The following CPAP variants were observed in gnomAD, a reference collection of about 807,000 sequenced individuals.
CPAP encodes the protein centrosomal P4.1-associated protein.
the CPAP span, among the ~76,000 whole-genome samples, chr13:24,913,266 C>T: frequency 6.6e-6 from 1 of 152,068 alleles, no homozygotes; most frequent in African/African-American, 2.4e-5. Context: ...TTAAAAATAA[C>T]CAAATTGAGT....
At chr13:24,905,980 CT>C in the CPAP span, 1 of 1,614,172 alleles carries the variant, frequency 6.2e-7, no homozygotes, top group Non-Finnish European at 8.5e-7. Flanking sequence ...TCCATTCAGT[CT>C]GATTTTCAGA....
chr13:24,884,045 G>GAAAC, the CPAP span: 4 of 1,614,028 alleles, frequency 2.5e-6, no homozygotes, highest in Non-Finnish European at 3.4e-6. Flanking sequence ...GTCTGGTCAG[G>GAAAC]AAACGTGATT....
the CPAP span, among the ~76,000 whole-genome samples, chr13:24,919,195 T>C: frequency 1.8e-4 from 27 of 152,248 alleles, no homozygotes; most frequent in African/African-American, 6.3e-4. Context: ...AAGTGAAAAA[T>C]TTTCAACGAA....
the CPAP span, chr13:24,913,025 T>A: frequency 5.6e-6 from 9 of 1,613,462 alleles, no homozygotes; most frequent in Non-Finnish European, 5.1e-6. Context: ...ATCAGGAACA[T>A]CTTAGTCCAA....
At chr13:24,896,310 C>T in the CPAP span, among the ~76,000 whole-genome samples, 1 of 152,180 alleles carries the variant, frequency 6.6e-6, no homozygotes, top group African/African-American at 2.4e-5. Flanking sequence ...CTCACCAGCC[C>T]AGCCCCTTGC....
At chr13:24,894,529 C>T in the CPAP span, among the ~76,000 whole-genome samples, 1 of 152,162 alleles carries the variant, frequency 6.6e-6, no homozygotes, top group African/African-American at 2.4e-5. Context: ...CGCTGCAGGG[C>T]GTGTGGCGAA....
At chr13:24,930,170 G>A in the CPAP span, among the ~76,000 whole-genome samples, 1 of 151,812 alleles carries the variant, frequency 6.6e-6, no homozygotes, top group African/African-American at 2.4e-5. Context: ...CTCCCAAGAT[G>A]GTAGGTTTAC....
the CPAP span, chr13:24,886,313 G>A: frequency 7.8e-7 from 1 of 1,289,086 alleles, no homozygotes; most frequent in African/African-American, 1.5e-5. Flanking sequence ...ACGGGAGAAT[G>A]GCCTGAAGGA....
the CPAP span, chr13:24,892,626 C>T: frequency 6.2e-7 from 1 of 1,604,140 alleles, no homozygotes; most frequent in Non-Finnish European, 8.5e-7. Context: ...ACACAACCCA[C>T]CCGCCTCCCT....
the CPAP span, among the ~76,000 whole-genome samples, chr13:24,904,556 C>T: frequency 6.6e-6 from 1 of 152,024 alleles, no homozygotes; most frequent in East Asian, 1.9e-4. Context: ...AAATGTGATC[C>T]ACAAGGCTAA....
the CPAP span, chr13:24,883,176 G>A: frequency 4.3e-6 from 7 of 1,612,930 alleles, no homozygotes; most frequent in East Asian, 2.2e-5. Flanking sequence ...CATGAGGATC[G>A]TCACAGCTCC....
chr13:24,902,414 G>T, the CPAP span, among the ~76,000 whole-genome samples: 1 of 152,144 alleles, frequency 6.6e-6, no homozygotes. Context: ...TAACTACTAT[G>T]ATAAGCATAC....
chr13:24,903,084 G>T, the CPAP span, among the ~76,000 whole-genome samples: 2 of 152,270 alleles, frequency 1.3e-5, no homozygotes, highest in East Asian at 1.9e-4. Context: ...AATTTATATA[G>T]AGAGAAATAA....
chr13:24,909,727 G>T, the CPAP span: 1 of 1,436,446 alleles, frequency 7.0e-7, no homozygotes, highest in Non-Finnish European at 9.7e-7. Context: ...ACATGGAAAG[G>T]CTTCATCTTA....
chr13:24,892,861 T>A, the CPAP span: 1 of 1,599,058 alleles, frequency 6.3e-7, no homozygotes, highest in Non-Finnish European at 8.5e-7. Flanking sequence ...ATTTGCTGTT[T>A]TAAAGTCTCT....
chr13:24,902,445 G>A, the CPAP span, among the ~76,000 whole-genome samples: 1 of 152,098 alleles, frequency 6.6e-6, no homozygotes, highest in Non-Finnish European at 1.5e-5. Context: ...TGTATCAGCT[G>A]AAAAACAAAG....
chr13:24,884,187 A>C, the CPAP span: 1 of 1,614,204 alleles, frequency 6.2e-7, no homozygotes, highest in Non-Finnish European at 8.5e-7. Flanking sequence ...GAAATGTAAG[A>C]CTTCCAGTCC....
the CPAP span, chr13:24,884,144 G>A: frequency 6.2e-7 from 1 of 1,613,728 alleles, no homozygotes; most frequent in South Asian, 1.1e-5. Flanking sequence ...TAATGAGAGG[G>A]TGGAGCAAGT....
the CPAP span, among the ~76,000 whole-genome samples, chr13:24,916,953 A>C: frequency 6.6e-6 from 1 of 152,188 alleles, no homozygotes; most frequent in African/African-American, 2.4e-5. Flanking sequence ...AAATAAAGAC[A>C]AAAAAATACA....
Sources: gnomAD v4.1 joint callset for allele counts (sites outside exome capture counted in the v4.1 genomes callset) on GRCh38, gnomAD v4.1.1 for gene constraint, MANE v1.5 for transcripts, NCBI Gene and HGNC (gene_info 2026-07-23, HGNC 2026-07-21) for gene names.